Variants in CNTN4 observed in about 807,000 individuals in gnomAD.
CNTN4 encodes contactin 4.
In CNTN4, 77 loss-of-function variants were observed where a neutral mutation model predicts 122.5. The ratio of observed to expected loss-of-function variants is 0.63; its 90% CI spans 0.52 to 0.76. The LOEUF is 0.76. Among genes scored for constraint, CNTN4 ranks in the 30% least tolerant of loss-of-function variants. CNTN4 has a pLI of 0.00. For synonymous variants in CNTN4, 512 were observed against 447.0 expected, an observed-to-expected ratio of 1.15 and a Z score of -1.83; for missense variants, 1,256 against 1,259.1, an observed-to-expected ratio of 1.00 and a Z score of 0.04.
At chr3:2,212,447 A>G (rs911497249) in intron 2 of CNTN4, among the ~76,000 whole-genome samples, 1 of 152,180 alleles carries the variant, frequency 6.6e-6, no homozygotes, top group African/African-American at 2.4e-5. Context: ...GCAGGAGGCA[A>G]ATGAGGAGCA....
At chr3:2,550,525 T>C (rs1359852558) in intron 3 of CNTN4, among the ~76,000 whole-genome samples, 4 of 152,138 alleles carry the variant, frequency 2.6e-5, no homozygotes, top group Non-Finnish European at 5.9e-5. Flanking sequence ...GTTCAACCAT[T>C]GTGGAAGACA....
chr3:2,346,793 A>G (rs766194336), intron 3 of CNTN4, among the ~76,000 whole-genome samples: 9 of 152,170 alleles, frequency 5.9e-5, no homozygotes, highest in Non-Finnish European at 1.3e-4. Flanking sequence ...CAGTTTCACA[A>G]TGATAAGTCC....
chr3:2,405,747 G>T (rs548141234), intron 3 of CNTN4, among the ~76,000 whole-genome samples: 1 of 152,222 alleles, frequency 6.6e-6, no homozygotes, highest in Non-Finnish European at 1.5e-5. Context: ...TAATGGCTGG[G>T]CATGGTGGCA....
chr3:2,504,754 C>T (rs184923817), intron 3 of CNTN4, among the ~76,000 whole-genome samples: 2 of 152,250 alleles, frequency 1.3e-5, no homozygotes, highest in Non-Finnish European at 2.9e-5. Flanking sequence ...CCTTCCTCCT[C>T]TATGTAGTAT....
chr3:2,291,884 C>T (rs2042148688), intron 2 of CNTN4, among the ~76,000 whole-genome samples: 1 of 152,082 alleles, frequency 6.6e-6, no homozygotes, highest in Non-Finnish European at 1.5e-5. Flanking sequence ...CAGGCATTCG[C>T]TACCATGCAT....
At chr3:2,308,147 A>G (rs954973747) in intron 2 of CNTN4, among the ~76,000 whole-genome samples, 1 of 151,764 alleles carries the variant, frequency 6.6e-6, no homozygotes, top group Non-Finnish European at 1.5e-5. Flanking sequence ...CTTTCTAGGA[A>G]TTTTTCTATT....
chr3:2,105,486 G>A (rs764250832), intron 2 of CNTN4, among the ~76,000 whole-genome samples: 3 of 152,258 alleles, frequency 2.0e-5, no homozygotes, highest in South Asian at 2.1e-4. Flanking sequence ...CAGAAGGCAC[G>A]AGAGAAGCAA....
chr3:2,687,018 G>A (rs2085465789), intron 4 of CNTN4, among the ~76,000 whole-genome samples: 1 of 152,106 alleles, frequency 6.6e-6, no homozygotes, highest in South Asian at 2.1e-4. Context: ...TAGCTCAGAG[G>A]TGTTAATGAA....
intron 4 of CNTN4, among the ~76,000 whole-genome samples, chr3:2,580,033 TTGTATGTG>T (rs1284726914): frequency 3.2e-5 from 2 of 62,552 alleles, no homozygotes; most frequent in Non-Finnish European, 8.4e-5. Context: ...TTGGTTAAGC[TTGTATGTG>T]TGTGTGTGTG....
intron 6 of CNTN4, among the ~76,000 whole-genome samples, chr3:2,814,694 G>C (rs1447604952): frequency 6.6e-6 from 1 of 152,202 alleles, no homozygotes; most frequent in African/African-American, 2.4e-5. Context: ...TACGAAATCA[G>C]TGAAGATGCC....
chr3:2,728,682 A>C (rs549535334), intron 4 of CNTN4, among the ~76,000 whole-genome samples: 2 of 152,360 alleles, frequency 1.3e-5, no homozygotes, highest in African/African-American at 4.8e-5. Flanking sequence ...CTGTGCATGC[A>C]TAACGCAAAA....
At position 2,335,280 on chromosome 3, in the gene CNTN4, G is replaced by C. The variant is rs538315854; in HGVS notation, c.-144-3898G>C. ...ACAAGTTATGGATTGAACATGGAAA[G>C]TTTAGTGAATTTTTCATGATTAAAA... On this transcript the variant is annotated intron_variant, in intron 2 of 24. Transcript: ENST00000418658. 2.7e-4 allele frequency among the ~76,000 whole-genome samples: 40 copies of C among 149,856 alleles called. No homozygotes were observed. In the South Asian group the frequency reaches 7.5e-3, roughly 28 times the overall value.
intron 4 of CNTN4, among the ~76,000 whole-genome samples, chr3:2,683,976 G>C (rs2085301599): frequency 6.6e-6 from 1 of 152,118 alleles, no homozygotes; most frequent in Admixed American, 6.6e-5. Context: ...CTACAAATTT[G>C]AGAAAGGTGT....
At chr3:2,775,588 T>G (rs1412657927) in intron 6 of CNTN4, among the ~76,000 whole-genome samples, 1 of 151,884 alleles carries the variant, frequency 6.6e-6, no homozygotes, top group Non-Finnish European at 1.5e-5. Context: ...GCCAGCTAAT[T>G]TTTTGTGTTT....
intron 5 of CNTN4, among the ~76,000 whole-genome samples, chr3:2,740,443 T>C (rs1382191245): frequency 6.6e-6 from 1 of 152,134 alleles, no homozygotes; most frequent in African/African-American, 2.4e-5. Context: ...AATGATAACA[T>C]ACATGATAAA....
At chr3:2,188,948 G>C (rs2037399579) in intron 2 of CNTN4, among the ~76,000 whole-genome samples, 1 of 152,152 alleles carries the variant, frequency 6.6e-6, no homozygotes, top group Non-Finnish European at 1.5e-5. Flanking sequence ...AAGTTCTTGA[G>C]AGTTGGGAGA....
At position 3,056,107 on chromosome 3, in the gene CNTN4, T is replaced by A; in HGVS notation, c.2981-13T>A. Reference sequence around the variant, plus strand: ...ATGGGGCTGTTTTGAGTGAATTTGTTCTCTCTTTTCAGATGCCTACGCGAG... The same window carrying A: ...ATGGGGCTGTTTTGAGTGAATTTGTACTCTCTTTTCAGATGCCTACGCGAG... On this transcript the variant is annotated splice_polypyrimidine_tract_variant and intron_variant, in intron 24 of 24. Coordinates refer to ENST00000418658, the MANE Select transcript of CNTN4 (RefSeq NM_175607.3). The A allele has an allele frequency of 1.2e-6, 2 of 1,610,592 alleles. No individual in the cohort carries two copies. Among genetic ancestry groups the A allele is most frequent in the Non-Finnish European group, 8.5e-7 (1 of 1,176,808 alleles).
At chr3:2,183,994 C>T (rs1477892687) in intron 2 of CNTN4, among the ~76,000 whole-genome samples, 4 of 151,404 alleles carry the variant, frequency 2.6e-5, no homozygotes, top group Non-Finnish European at 4.4e-5. Context: ...TTTTTTGAGA[C>T]GTGGTCTCGC....
At chr3:2,393,136 T>G (rs759183862) in intron 3 of CNTN4, among the ~76,000 whole-genome samples, 2 of 152,158 alleles carry the variant, frequency 1.3e-5, no homozygotes, top group Non-Finnish European at 2.9e-5. Context: ...CTTTGGAATT[T>G]CCTTGGGTTA....
Sources: allele counts gnomAD v4.1 joint callset (sites outside exome capture counted in the v4.1 genomes callset), GRCh38; gene constraint gnomAD v4.1.1; transcripts MANE v1.5; gene names NCBI Gene and HGNC (gene_info 2026-07-23, HGNC 2026-07-21).